The following JAKMIP2 variants were observed in gnomAD, a reference collection of about 807,000 sequenced individuals.
JAKMIP2 encodes janus kinase and microtubule interacting protein 2, also known as janus kinase and microtubule-interacting protein 2.
In JAKMIP2, 25 loss-of-function variants were observed where a neutral mutation model predicts 115.0. The ratio of observed to expected loss-of-function variants is 0.22; its 90% CI spans 0.16 to 0.30. The LOEUF is 0.30. Among genes scored for constraint, JAKMIP2 ranks in the 10% least tolerant of loss-of-function variants. JAKMIP2 has a pLI of 1.00. For missense variants in JAKMIP2, 642 were observed against 957.6 expected (o/e 0.67, Z 4.35); for synonymous variants, 334 against 343.6 (o/e 0.97, Z 0.31).
At chr5:147,608,044 T>A (rs1244908066) in intron 20 of JAKMIP2, among the ~76,000 whole-genome samples, 1 of 152,172 alleles carries the variant, frequency 6.6e-6, no homozygotes, top group Non-Finnish European at 1.5e-5. Flanking sequence ...TTTTATTGTG[T>A]CTATTTGATT....
At chr5:147,698,915 T>C (rs1752215330) in intron 1 of JAKMIP2, among the ~76,000 whole-genome samples, 1 of 152,164 alleles carries the variant, frequency 6.6e-6, no homozygotes, top group Admixed American at 6.5e-5. Flanking sequence ...CTGTGGGCCA[T>C]AGAAAAATGC....
chr5:147,774,828 T>C (rs185993230), intron 1 of JAKMIP2, among the ~76,000 whole-genome samples: 22 of 152,276 alleles, frequency 1.4e-4, no homozygotes, highest in Admixed American at 1.2e-3. Flanking sequence ...CATTTCCAGT[T>C]TGGAAAAGAT....
chr5:147,720,371 A>T (rs1753218207), intron 1 of JAKMIP2, among the ~76,000 whole-genome samples: 1 of 149,478 alleles, frequency 6.7e-6, no homozygotes, highest in African/African-American at 2.5e-5. Flanking sequence ...CGTTCTCTGT[A>T]TTTCCTGAAT....
At chr5:147,742,558 A>C (rs1327147159) in intron 1 of JAKMIP2, among the ~76,000 whole-genome samples, 1 of 152,142 alleles carries the variant, frequency 6.6e-6, no homozygotes, top group African/African-American at 2.4e-5. Context: ...AAATTAAATA[A>C]ATTTGAAGGC....
Position 147,586,226 on chromosome 5 carries a change from T to C in JAKMIP2, c.*5481A>G, listed in dbSNP as rs946884329. 2.0e-5 allele frequency: 3 copies of C among 152,184 alleles called. No homozygotes were observed. The highest frequency in any genetic ancestry group is 7.2e-5 in the African/African-American group (3 of 41,442). 9.4% of individuals were successfully genotyped at this position (152,184 alleles called of 1,614,324 possible). ...AAAAAACCTTTCTTGAAGTCCTGCATCCTAGAACAGAAGTACACGTTTAGT... is the reference window on the plus strand; with the variant it reads ...AAAAAACCTTTCTTGAAGTCCTGCACCCTAGAACAGAAGTACACGTTTAGT... On this transcript the variant is annotated 3_prime_UTR_variant, in exon 22 of 22. Transcript: ENST00000616793.
intron 5 of JAKMIP2, 51 bp from the exon 6 acceptor site, chr5:147,645,047 G>A: frequency 1.9e-6 from 3 of 1,586,908 alleles, no homozygotes; most frequent in Non-Finnish European, 2.6e-6. Flanking sequence ...GGACGTGGGG[G>A]CAGGGGAGTA....
chr5:147,742,155 A>ATATATATATTTTT lies in JAKMIP2; in HGVS notation c.-149+40300_-149+40301insAAAAATATATATA. Among the ~76,000 whole-genome samples the ATATATATATTTTT allele has an allele frequency of 1.4e-4, 15 of 108,886 alleles. 2 individuals are homozygous for ATATATATATTTTT. Among genetic ancestry groups the ATATATATATTTTT allele is most frequent in the South Asian group, 6.2e-4 (2 of 3,220 alleles). The allele number at this position is 108,886 out of a possible 152,430, so 71.4% of individuals were successfully genotyped here. A position where few individuals can be genotyped will look rare whatever the true frequency, so the allele number is the denominator to read the frequency against. On this transcript the variant is annotated intron_variant, in intron 1 of 21. Coordinates refer to ENST00000616793, the MANE Select transcript of JAKMIP2 (RefSeq NM_001270941.2). Reference sequence around the variant, plus strand: ...TGTGGATCATTATATATATATATATATTTTTTTTACTATTGTATTGTATCT... The same window carrying ATATATATATTTTT: ...TGTGGATCATTATATATATATATATATATATATATTTTTTTTTTTTTACTATTGTATTGTATCT...
At chr5:147,695,647 G>T (rs886914656) in intron 1 of JAKMIP2, among the ~76,000 whole-genome samples, 1 of 128,958 alleles carries the variant, frequency 7.8e-6, no homozygotes, top group Non-Finnish European at 1.6e-5. Context: ...GGAAGTGAAA[G>T]GTCTGTGTGT....
rs200878891 is a variant in JAKMIP2 at position 147,650,523 on chromosome 5, T to C, written c.652A>G (p.Arg218Gly). ...TCCTTTTCCAGGGAAAAGATGATCC[T>C]GTCCTTGGCTTTGATTTCATCCATC... ...RLMDEIKAKD[R>G]IIFSLEKELE... Residue 218 changes from arginine to glycine, a missense_variant, in exon 4 of 22, where the codon AGG (arginine) becomes GGG (glycine). Coordinates refer to ENST00000616793, the MANE Select transcript of JAKMIP2 (RefSeq NM_001270941.2). 3.0e-5 allele frequency: 49 copies of C among 1,613,324 alleles called. No homozygotes were observed. The highest frequency in any genetic ancestry group is 4.0e-5 in the Non-Finnish European group (47 of 1,179,708).
At chr5:147,677,162 GA>G (rs1352977057) in intron 1 of JAKMIP2, among the ~76,000 whole-genome samples, 1 of 152,182 alleles carries the variant, frequency 6.6e-6, no homozygotes, top group Admixed American at 6.5e-5. Flanking sequence ...GAGGGACGGG[GA>G]TATGTAGTAC....
intron 1 of JAKMIP2, among the ~76,000 whole-genome samples, chr5:147,721,965 G>C (rs926919672): frequency 5.3e-5 from 8 of 152,076 alleles, no homozygotes; most frequent in African/African-American, 1.9e-4. Context: ...GGACCTCTTA[G>C]GAAGCAGTCT....
At chr5:147,686,312 G>A (rs375931798) in intron 1 of JAKMIP2, among the ~76,000 whole-genome samples, 25 of 151,772 alleles carry the variant, frequency 1.6e-4, no homozygotes, top group Admixed American at 7.2e-4. Context: ...TGAATAAATC[G>A]TTTTTTTGGA....
At position 147,596,200 on chromosome 5, in the gene JAKMIP2, CTT is replaced by C. The variant is rs200069719; in HGVS notation, c.*21-4516_*21-4515del. ...CCAAGTTAAAAAATTCAAATTTGAT[CTT>C]TTTTTTTTTTTAACTTGTTATCAAT... On this transcript the variant is annotated intron_variant, in intron 21 of 21. Transcript: ENST00000616793. 8.2e-4 allele frequency among the ~76,000 whole-genome samples: 120 copies of C among 145,614 alleles called. 1 individual carries two copies. The highest frequency in any genetic ancestry group is 9.4e-4 in the Non-Finnish European group (62 of 65,960).
chr5:147,672,365 T>C (rs1759654237), intron 1 of JAKMIP2, among the ~76,000 whole-genome samples: 1 of 152,168 alleles, frequency 6.6e-6, no homozygotes, highest in Non-Finnish European at 1.5e-5. Flanking sequence ...AGCCAATGTA[T>C]AGAGACAGGA....
intron 1 of JAKMIP2, among the ~76,000 whole-genome samples, chr5:147,721,711 C>A (rs933100747): frequency 2.4e-4 from 37 of 152,070 alleles, no homozygotes; most frequent in Admixed American, 2.4e-3. Flanking sequence ...CTTCGGCTCG[C>A]GCACGGTGCG....
At chr5:147,750,900 G>A (rs894511803) in intron 1 of JAKMIP2, among the ~76,000 whole-genome samples, 1 of 149,052 alleles carries the variant, frequency 6.7e-6, no homozygotes, top group Non-Finnish European at 1.5e-5. Flanking sequence ...CCTCGACATC[G>A]GACTTCCAAT....
chr5:147,591,721 A>C (rs746897979), intron 21 of JAKMIP2, 35 bp from the exon 22 acceptor site: 2 of 1,268,004 alleles, frequency 1.6e-6, no homozygotes, highest in Non-Finnish European at 2.3e-6. Flanking sequence ...TTTATATATC[A>C]ATTTTGTTAA....
chr5:147,755,865 G>A (rs570681054), intron 1 of JAKMIP2, among the ~76,000 whole-genome samples: 238 of 152,166 alleles, frequency 1.6e-3, no homozygotes, highest in African/African-American at 5.5e-3. Flanking sequence ...AATGACTAGG[G>A]GTTTCTGAGC....
At chr5:147,690,732 G>A (rs1751804546) in intron 1 of JAKMIP2, among the ~76,000 whole-genome samples, 1 of 151,912 alleles carries the variant, frequency 6.6e-6, no homozygotes, top group Non-Finnish European at 1.5e-5. Context: ...CAAACCCTCT[G>A]GGGAATGTGT....
Sources: allele counts gnomAD v4.1 joint callset (sites outside exome capture counted in the v4.1 genomes callset), GRCh38; gene constraint gnomAD v4.1.1; transcripts MANE v1.5; gene names NCBI Gene and HGNC (gene_info 2026-07-23, HGNC 2026-07-21).